Variants in EMID1 observed in about 807,000 individuals in gnomAD.
EMID1 encodes the protein EMI domain-containing protein 1.
In EMID1, 40 loss-of-function variants were observed where a neutral mutation model predicts 60.6. That is an observed-to-expected ratio of 0.66 (90% CI 0.51 to 0.86). The LOEUF is 0.86. Ranked by LOEUF, EMID1 falls within the 40% of genes least tolerant of loss-of-function variation. The pLI, the probability that EMID1 is intolerant of heterozygous loss-of-function variation, is 0.00. For missense variants in EMID1, 585 were observed against 597.1 expected (o/e 0.98, Z 0.21); for synonymous variants, 242 against 231.0 (o/e 1.05, Z -0.43).
At chr22:29,246,757 G>A (rs1337097872) in intron 13 of EMID1, among the ~76,000 whole-genome samples, 2 of 152,154 alleles carry the variant, frequency 1.3e-5, no homozygotes, top group Non-Finnish European at 2.9e-5. Context: ...AGGCCACCTG[G>A]TCTGAGGGAG....
intron 13 of EMID1, among the ~76,000 whole-genome samples, chr22:29,249,899 G>A (rs1191401844): frequency 1.3e-5 from 2 of 152,002 alleles, no homozygotes; most frequent in Non-Finnish European, 2.9e-5. Flanking sequence ...ACAGGTGTGA[G>A]CCACCACGCC....
chr22:29,210,275 C>T (rs991576920), intron 1 of EMID1, among the ~76,000 whole-genome samples: 14 of 139,560 alleles, frequency 1.0e-4, no homozygotes, highest in Middle Eastern at 3.7e-3. Context: ...TTTTTTGAGA[C>T]GGAGTTTTGC....
At chr22:29,234,532 C>T (rs988493675) in intron 12 of EMID1, among the ~76,000 whole-genome samples, 183 bp downstream of exon 12, 1 of 152,198 alleles carries the variant, frequency 6.6e-6, no homozygotes, top group Admixed American at 6.5e-5. Flanking sequence ...GTCTCTCTCA[C>T]TCTGGCTCTC....
chr22:29,208,827 G>A (rs915359228), intron 1 of EMID1, among the ~76,000 whole-genome samples: 5 of 152,344 alleles, frequency 3.3e-5, no homozygotes, highest in Non-Finnish European at 7.3e-5. Context: ...GTCTGGGCCT[G>A]AGCCCCTCAG....
At chr22:29,255,205 TTG>T in intron 14 of EMID1, 1 of 178,070 alleles carries the variant, frequency 5.6e-6, no homozygotes, top group Non-Finnish European at 1.2e-5. Context: ...CCCTCCCCGC[TTG>T]GCTCCCCAGC....
chr22:29,217,980 G>GCT (rs1392912809), intron 3 of EMID1, among the ~76,000 whole-genome samples: 271 of 152,340 alleles, frequency 1.8e-3, no homozygotes, highest in African/African-American at 6.3e-3. Flanking sequence ...CAAAGGAGGA[G>GCT]AGGGAACACC....
chr22:29,212,784 C>T (rs1010237154), intron 1 of EMID1, among the ~76,000 whole-genome samples: 5 of 152,106 alleles, frequency 3.3e-5, no homozygotes, highest in African/African-American at 9.7e-5. Context: ...AGGCTGGTCT[C>T]GAACTCCTGA....
intron 3 of EMID1, among the ~76,000 whole-genome samples, chr22:29,220,722 C>T (rs2040261310): frequency 6.6e-6 from 1 of 152,136 alleles, no homozygotes; most frequent in South Asian, 2.1e-4. Context: ...GGAATCCCAG[C>T]CCCCCTCGTC....
At chr22:29,213,202 A>C (rs1004429893) in intron 1 of EMID1, among the ~76,000 whole-genome samples, 1 of 152,146 alleles carries the variant, frequency 6.6e-6, no homozygotes, top group East Asian at 1.9e-4. Flanking sequence ...GCTGGGTCTC[A>C]GGTCAGCACG....
intron 1 of EMID1, among the ~76,000 whole-genome samples, chr22:29,209,275 G>T (rs2039794711): frequency 6.6e-6 from 1 of 152,156 alleles, no homozygotes; most frequent in Non-Finnish European, 1.5e-5. Context: ...AGCTGGTCTG[G>T]CCTGTTTCTC....
intron 5 of EMID1, among the ~76,000 whole-genome samples, 159 bp downstream of exon 5, chr22:29,226,710 G>A (rs1230984501): frequency 6.6e-6 from 1 of 151,964 alleles, no homozygotes; most frequent in African/African-American, 2.4e-5. Flanking sequence ...AGCATCCCCT[G>A]TCAGGCATGT....
At chr22:29,226,631 T>G in intron 5 of EMID1, 80 bp downstream of exon 5, 3 of 1,334,024 alleles carry the variant, frequency 2.2e-6, no homozygotes, top group Non-Finnish European at 3.0e-6. Flanking sequence ...CCTCCCCACC[T>G]CCTTCCCCGC....
intron 3 of EMID1, among the ~76,000 whole-genome samples, chr22:29,224,006 A>T (rs1007566363): frequency 6.6e-6 from 1 of 152,198 alleles, no homozygotes; most frequent in Non-Finnish European, 1.5e-5. Context: ...TGCCGGCCCC[A>T]GTCCTGGGCT....
intron 12 of EMID1, among the ~76,000 whole-genome samples, chr22:29,238,225 T>A (rs1288011538): frequency 7.2e-6 from 1 of 139,468 alleles, no homozygotes. Flanking sequence ...AGTATTTTTT[T>A]ATCTTTGATT....
rs1473590208 is a variant in EMID1, at chr22:29,233,426, CCCCAGGGACCCACTGGG to C, written c.874_890del (p.Gln292SerfsTer67). On this transcript the variant is annotated frameshift_variant, in exon 9 of 15. Transcript: ENST00000334018. LOFTEE classifies it high-confidence loss of function. Reference sequence around the variant, plus strand: ...CTTCACTGAGACCAACAACCACTGGCCCCAGGGACCCACTGGGCCTCCAGGCCCTCCAGGGCCCATGG... The same window carrying C: ...CTTCACTGAGACCAACAACCACTGGCCCTCCAGGCCCTCCAGGGCCCATGG... 5.0e-6 allele frequency: 8 copies of C among 1,614,168 alleles called. No individual in the cohort carries two copies. The highest frequency in any genetic ancestry group is 6.8e-6 in the Non-Finnish European group (8 of 1,180,006).
chr22:29,244,244 G>A (rs2041245831), intron 13 of EMID1, among the ~76,000 whole-genome samples: 1 of 152,030 alleles, frequency 6.6e-6, no homozygotes, highest in African/African-American at 2.4e-5. Context: ...CAAGAAGGGG[G>A]AACTAGAAAC....
chr22:29,233,739 GT>G, intron 10 of EMID1, 73 bp downstream of exon 10: 1 of 1,384,086 alleles, frequency 7.2e-7, no homozygotes, highest in Non-Finnish European at 1.0e-6. Context: ...CCATACATCT[GT>G]CCATCATCCA....
intron 3 of EMID1, among the ~76,000 whole-genome samples, chr22:29,222,237 G>A (rs138870907): frequency 0.029 from 4,345 of 152,060 alleles, 183 homozygotes; most frequent in African/African-American, 0.099. Flanking sequence ...GGGACTACAG[G>A]CATGCGCCAC....
At chr22:29,250,842 G>A (rs966136310) in intron 13 of EMID1, among the ~76,000 whole-genome samples, 3 of 139,360 alleles carry the variant, frequency 2.2e-5, no homozygotes, top group Non-Finnish European at 3.0e-5. Flanking sequence ...TGATCCATCC[G>A]CTTAGGCCTC....
Sources: allele counts gnomAD v4.1 joint callset (sites outside exome capture counted in the v4.1 genomes callset), GRCh38; gene constraint gnomAD v4.1.1; transcripts MANE v1.5; gene names NCBI Gene and HGNC (gene_info 2026-07-23, HGNC 2026-07-21).